The following MTMR14 variants were observed in gnomAD, a reference collection of about 807,000 sequenced individuals.
The protein encoded by MTMR14 is myotubularin related protein 14, also known as phosphatidylinositol-3,5-bisphosphate 3-phosphatase MTMR14.
In MTMR14, 48 loss-of-function variants were observed where a neutral mutation model predicts 86.3. The ratio of observed to expected loss-of-function variants is 0.56; its 90% CI spans 0.44 to 0.71. The LOEUF is 0.71. MTMR14 is among the 30% of genes least tolerant of loss of function. The probability of loss-of-function intolerance (pLI) is 0.00; values close to 1 mark genes in which losing one functional copy is unlikely to be tolerated. For synonymous variants in MTMR14, 366 were observed against 326.1 expected (o/e 1.12, Z -1.32); for missense variants, 780 against 834.6 (o/e 0.93, Z 0.81).
chr3:9,692,922 A>G (rs1455890752), intron 17 of MTMR14, among the ~76,000 whole-genome samples: 1 of 152,158 alleles, frequency 6.6e-6, no homozygotes, highest in Non-Finnish European at 1.5e-5. Flanking sequence ...GTCCCCTCAG[A>G]GCCCAGGATT....
In MTMR14 at chr3:9,697,775, A is replaced by G. The variant is rs1455904665; in HGVS notation, c.1678A>G (p.Thr560Ala). The G allele has an allele frequency of 1.2e-5, 19 of 1,613,872 alleles. No homozygotes were observed. The highest frequency in any genetic ancestry group is 1.6e-5 in the Non-Finnish European group (19 of 1,180,000). Residue 560 changes from threonine to alanine, a missense_variant, in exon 18 of 19, where the codon ACG becomes GCG. Coordinates refer to ENST00000296003, the MANE Select transcript of MTMR14 (RefSeq NM_001077525.3). ...STDYGSWQMV[T>A]GCGSIQERAV... ...AGACTATGGCAGCTGGCAGATGGTA[A>G]CGGGCTGTGGCAGTATTCAGGAGCG...
chr3:9,700,601 T>TGGGG (rs2076424034), intron 18 of MTMR14: 3 of 152,210 alleles, frequency 2.0e-5, no homozygotes, highest in Admixed American at 2.0e-4. Flanking sequence ...AAGAGAGGAA[T>TGGGG]GGGGAATAGA....
chr3:9,684,723 G>T, intron 11 of MTMR14, 53 bp downstream of exon 11: 1 of 1,601,206 alleles, frequency 6.2e-7, no homozygotes, highest in Non-Finnish European at 8.6e-7. Flanking sequence ...TGTTAGGATT[G>T]TCTCCAGACA....
intron 2 of MTMR14, chr3:9,659,656 C>T: frequency 6.6e-6 from 3 of 454,028 alleles, no homozygotes; most frequent in South Asian, 4.7e-5. Flanking sequence ...GTTGGCCAGG[C>T]TGGTCTTTAC....
intron 17 of MTMR14, among the ~76,000 whole-genome samples, chr3:9,690,920 C>T (rs1474815129): frequency 6.6e-6 from 1 of 152,156 alleles, no homozygotes; most frequent in Non-Finnish European, 1.5e-5. Flanking sequence ...CTTTGGCATC[C>T]ATCCCAGGTT....
chr3:9,676,417 C>T (rs1057298614), intron 7 of MTMR14, among the ~76,000 whole-genome samples: 3 of 152,350 alleles, frequency 2.0e-5, no homozygotes, highest in East Asian at 3.9e-4. Context: ...CAACTCCAAG[C>T]GCAGAGCAAA....
chr3:9,653,528 C>T (rs966793076), intron 1 of MTMR14, 93 bp from the exon 2 acceptor site: 1 of 1,528,522 alleles, frequency 6.5e-7, no homozygotes, highest in Non-Finnish European at 9.0e-7. Flanking sequence ...AGGTACATGT[C>T]TTTCCCAGTG....
chr3:9,661,646 A>T (rs1462944328), intron 2 of MTMR14, among the ~76,000 whole-genome samples: 1 of 152,178 alleles, frequency 6.6e-6, no homozygotes. Context: ...CCTGGGAGTT[A>T]AAAATTGGAC....
intron 5 of MTMR14, among the ~76,000 whole-genome samples, chr3:9,670,651 A>T (rs2048517350): frequency 6.6e-6 from 1 of 152,080 alleles, no homozygotes; most frequent in South Asian, 2.1e-4. Context: ...GCTAAAAATG[A>T]TCATAAATGG....
At chr3:9,670,674 G>A (rs1480695675) in intron 5 of MTMR14, among the ~76,000 whole-genome samples, 2 of 152,006 alleles carry the variant, frequency 1.3e-5, no homozygotes, top group East Asian at 1.9e-4. Flanking sequence ...GAAAAGGAGG[G>A]GGTGGAAGGG....
At position 9,697,785 on chromosome 3, in the gene MTMR14, G is replaced by T. The variant is rs1297084771; in HGVS notation, c.1688G>T (p.Gly563Val). The change falls in exon 18 of 19, where the codon GGC becomes GTC. Residue 563 changes from glycine to valine, a missense_variant. By Grantham distance (109) the Gly-to-Val change is moderately radical. Coordinates refer to ENST00000296003, the MANE Select transcript of MTMR14 (RefSeq NM_001077525.3). ...AGCTGGCAGATGGTAACGGGCTGTGGCAGTATTCAGGAGCGGGCTGTCCTG... is the reference window on the plus strand; with the variant it reads ...AGCTGGCAGATGGTAACGGGCTGTGTCAGTATTCAGGAGCGGGCTGTCCTG... ...YGSWQMVTGC[G>V]SIQERAVLHT... 6.2e-7 allele frequency: 1 copy of T among 1,614,186 alleles called. No homozygotes were observed. The highest frequency in any genetic ancestry group is 8.5e-7 in the Non-Finnish European group (1 of 1,180,028).
intron 16 of MTMR14, 118 bp from the exon 17 acceptor site, chr3:9,689,846 C>T (rs1310313405): frequency 4.9e-6 from 5 of 1,030,736 alleles, no homozygotes; most frequent in Non-Finnish European, 7.1e-6. Context: ...TAATGTTTGC[C>T]AACTCATGTG....
At position 9,671,177 on chromosome 3, in the gene MTMR14, A is replaced by G. The variant is rs754607574; in HGVS notation, c.677+7A>G. ...AGGTGAAGTTTGGCATGAAGTAAGT[A>G]CAGGCGCCCACTACAAAATGAGCAG... On this transcript the variant is annotated splice_region_variant and intron_variant, in intron 6 of 18. Coordinates refer to ENST00000296003, the MANE Select transcript of MTMR14 (RefSeq NM_001077525.3). The G allele has an allele frequency of 4.3e-6, 7 of 1,614,216 alleles. No homozygotes were observed. The South Asian group carries it at 5.5e-5, about 13-fold the overall frequency.
intron 3 of MTMR14, among the ~76,000 whole-genome samples, chr3:9,664,323 G>T (rs917115542): frequency 6.6e-6 from 1 of 151,402 alleles, no homozygotes; most frequent in African/African-American, 2.4e-5. Flanking sequence ...AGAGAGGCCT[G>T]TGTTAGGTCA....
intron 9 of MTMR14, among the ~76,000 whole-genome samples, chr3:9,680,979 G>A (rs967080291): frequency 6.6e-6 from 1 of 152,202 alleles, no homozygotes; most frequent in Non-Finnish European, 1.5e-5. Context: ...CTTCTCTGAT[G>A]TCCCTACAGA....
intron 7 of MTMR14, among the ~76,000 whole-genome samples, chr3:9,673,980 G>T (rs953027681): frequency 6.6e-6 from 1 of 152,080 alleles, no homozygotes; most frequent in African/African-American, 2.4e-5. Context: ...TAATGATGCT[G>T]GAGTGAGCTT....
intron 7 of MTMR14, 95 bp downstream of exon 7, chr3:9,672,853 G>T: frequency 8.6e-7 from 1 of 1,163,188 alleles, no homozygotes; most frequent in Non-Finnish European, 1.3e-6. Context: ...GGCGCCCTGG[G>T]AGCTTTCCTG....
At position 9,668,721 on chromosome 3, in the gene MTMR14, C is replaced by T. The variant is rs942954514; in HGVS notation, c.420C>T (p.His140=). The T allele has an allele frequency of 3.7e-6, 6 of 1,614,056 alleles. No individual in the cohort carries two copies. The Admixed American group carries it at 5.0e-5, about 13-fold the overall frequency. The part of the protein sequence containing the change: ...VCPVILFKGK[H]ICRSATLAGW... ...TGAAAATGATGTTTCTCTCCCAGCA[C>T]ATTTGCAGGTCGGCCACACTGGCTG... The change falls in exon 4 of 19, where the codon CAC becomes CAT. Residue 140 remains histidine, a splice_region_variant and synonymous_variant. Coordinates refer to ENST00000296003, the MANE Select transcript of MTMR14 (RefSeq NM_001077525.3).
intron 9 of MTMR14, among the ~76,000 whole-genome samples, chr3:9,678,530 T>C (rs1184976374): frequency 6.6e-6 from 1 of 152,242 alleles, no homozygotes; most frequent in Non-Finnish European, 1.5e-5. Flanking sequence ...TCTCTACCCT[T>C]AGCCCACACA....
Sources: allele counts gnomAD v4.1 joint callset (sites outside exome capture counted in the v4.1 genomes callset), GRCh38; gene constraint gnomAD v4.1.1; transcripts MANE v1.5; gene names NCBI Gene and HGNC (gene_info 2026-07-23, HGNC 2026-07-21).